The following NKAIN2 variants were observed in gnomAD, a reference collection of about 807,000 sequenced individuals.
NKAIN2 encodes sodium/potassium transporting ATPase interacting 2, also known as sodium/potassium-transporting ATPase subunit beta-1-interacting protein 2.
A neutral mutation model predicts 32.6 loss-of-function variants in NKAIN2; 14 were observed. That is an observed-to-expected ratio of 0.43 (90% CI 0.28 to 0.67). NKAIN2 has a LOEUF of 0.67. Ranked by LOEUF, NKAIN2 falls within the 30% of genes least tolerant of loss-of-function variation. The probability of loss-of-function intolerance (pLI) is 0.17; values close to 1 mark genes in which losing one functional copy is unlikely to be tolerated. For missense variants in NKAIN2, 198 were observed against 258.3 expected (o/e 0.77, Z 1.60); for synonymous variants, 80 against 87.2 (o/e 0.92, Z 0.46).
chr6:123,870,049 G>T (rs1413621079), intron 1 of NKAIN2, among the ~76,000 whole-genome samples: 2 of 152,122 alleles, frequency 1.3e-5, no homozygotes, highest in Non-Finnish European at 1.5e-5. Context: ...GAAGAGCTCA[G>T]ATTCTAAATC....
At chr6:124,629,643 C>CTTTG (rs1783486680) in intron 3 of NKAIN2, among the ~76,000 whole-genome samples, 1 of 152,108 alleles carries the variant, frequency 6.6e-6, no homozygotes, top group Non-Finnish European at 1.5e-5. Flanking sequence ...TTTAGCCACT[C>CTTTG]TTTGTTTATA....
chr6:124,457,551 G>A (rs768288465), intron 3 of NKAIN2, among the ~76,000 whole-genome samples: 7 of 151,706 alleles, frequency 4.6e-5, no homozygotes, highest in South Asian at 2.1e-4. Flanking sequence ...TATATTTTTC[G>A]TGAACAGCAG....
chr6:124,124,151 A>G (rs968908816), intron 1 of NKAIN2, among the ~76,000 whole-genome samples: 4 of 152,164 alleles, frequency 2.6e-5, no homozygotes, highest in East Asian at 3.8e-4. Context: ...ATTAATTTCT[A>G]ATTTTAAAAA....
intron 4 of NKAIN2, among the ~76,000 whole-genome samples, chr6:124,701,279 A>T (rs985756281): frequency 6.6e-6 from 1 of 152,026 alleles, no homozygotes; most frequent in Non-Finnish European, 1.5e-5. Flanking sequence ...GTAATACTAT[A>T]AGAAAGGATG....
rs149565170 is a variant in NKAIN2 at position 124,439,168 on chromosome 6, G to A, written c.273+83821G>A. Among the ~76,000 whole-genome samples the A allele has an allele frequency of 1.8e-4, 27 of 152,180 alleles. No individual in the cohort carries two copies. The East Asian group carries it at 4.3e-3, about 24-fold the overall frequency. ...AAACAACTCCCGATTTTCGCATTAC[G>A]CTTCCGCTCTAAAGAAACCTAGCTT... is the stretch of plus-strand genomic sequence containing the variant. On this transcript the variant is annotated intron_variant, in intron 3 of 6. Transcript: ENST00000368417.
intron 1 of NKAIN2, among the ~76,000 whole-genome samples, chr6:123,892,980 A>G (rs909158828): frequency 6.6e-6 from 1 of 151,750 alleles, no homozygotes; most frequent in Non-Finnish European, 1.5e-5. Context: ...AAGTTCTGTG[A>G]TGCTAACTAG....
chr6:124,481,394 A>G (rs1289931505), intron 3 of NKAIN2, among the ~76,000 whole-genome samples: 2 of 152,052 alleles, frequency 1.3e-5, no homozygotes, highest in Non-Finnish European at 2.9e-5. Flanking sequence ...ATTTTATTCC[A>G]TAAACACAGA....
intron 3 of NKAIN2, among the ~76,000 whole-genome samples, chr6:124,410,135 A>C (rs1318384415): frequency 7.2e-5 from 11 of 151,960 alleles, no homozygotes; most frequent in Non-Finnish European, 1.5e-4. Context: ...TGATCTTTTC[A>C]AAAAACCAGC....
intron 1 of NKAIN2, among the ~76,000 whole-genome samples, chr6:123,923,526 GACTTGGAAC>G: frequency 6.6e-6 from 1 of 151,878 alleles, no homozygotes; most frequent in East Asian, 1.9e-4. Flanking sequence ...CAATAGCAAA[GACTTGGAAC>G]CAACCCAAAT....
At chr6:124,443,364 CA>C (rs1314110674) in intron 3 of NKAIN2, among the ~76,000 whole-genome samples, 1 of 152,022 alleles carries the variant, frequency 6.6e-6, no homozygotes, top group East Asian at 1.9e-4. Flanking sequence ...TATATTTTGA[CA>C]TAAGAAAAAA....
chr6:124,606,201 C>A (rs1416640699), intron 3 of NKAIN2, among the ~76,000 whole-genome samples: 2 of 151,622 alleles, frequency 1.3e-5, no homozygotes, highest in African/African-American at 4.8e-5. Context: ...CATAAATATT[C>A]TATTATTTCT....
intron 1 of NKAIN2, among the ~76,000 whole-genome samples, chr6:123,927,928 G>C (rs1776077586): frequency 6.6e-6 from 1 of 152,076 alleles, no homozygotes; most frequent in Non-Finnish European, 1.5e-5. Context: ...GTGGTGGCTG[G>C]GAAGTGTACT....
At chr6:124,281,220 C>T (rs1795279011) in intron 1 of NKAIN2, among the ~76,000 whole-genome samples, 1 of 152,140 alleles carries the variant, frequency 6.6e-6, no homozygotes, top group African/African-American at 2.4e-5. Flanking sequence ...GGTTTACATT[C>T]CTATTCACTA....
At chr6:124,247,905 A>G (rs1793494801) in intron 1 of NKAIN2, among the ~76,000 whole-genome samples, 1 of 152,122 alleles carries the variant, frequency 6.6e-6, no homozygotes. Flanking sequence ...ATTGTATTTA[A>G]TTAAGTAGGA....
At chr6:124,766,889 C>CTTGTTTT (rs536396554) in intron 4 of NKAIN2, among the ~76,000 whole-genome samples, 11 of 151,798 alleles carry the variant, frequency 7.2e-5, no homozygotes, top group Non-Finnish European at 1.3e-4. Flanking sequence ...TTTGAGCTGT[C>CTTGTTTT]TTGTTTTTTG....
chr6:124,467,047 A>G (rs139545577), intron 3 of NKAIN2, among the ~76,000 whole-genome samples: 8 of 152,230 alleles, frequency 5.3e-5, no homozygotes, highest in Non-Finnish European at 8.8e-5. Context: ...CTTGTATGAT[A>G]ATAAACACAA....
chr6:124,652,923 T>G (rs1235824772), intron 3 of NKAIN2, among the ~76,000 whole-genome samples: 1 of 152,168 alleles, frequency 6.6e-6, no homozygotes, highest in Admixed American at 6.6e-5. Flanking sequence ...ACACACAATT[T>G]TGGGGGATAC....
chr6:124,650,329 C>T (rs1041958451), intron 3 of NKAIN2, among the ~76,000 whole-genome samples: 4 of 152,102 alleles, frequency 2.6e-5, no homozygotes, highest in African/African-American at 9.7e-5. Flanking sequence ...ATGCAAAAGC[C>T]AATTGGTTTC....
chr6:124,599,152 C>T (rs1253804838), intron 3 of NKAIN2, among the ~76,000 whole-genome samples: 1 of 151,450 alleles, frequency 6.6e-6, no homozygotes, highest in East Asian at 1.9e-4. Flanking sequence ...ATGATTACTT[C>T]CTGTCTTTGG....
Sources: gnomAD v4.1 joint callset for allele counts (sites outside exome capture counted in the v4.1 genomes callset) on GRCh38, gnomAD v4.1.1 for gene constraint, MANE v1.5 for transcripts, NCBI Gene and HGNC (gene_info 2026-07-23, HGNC 2026-07-21) for gene names.